The following PDE11A variants were observed in gnomAD, a reference collection of about 807,000 sequenced individuals.
PDE11A encodes the protein dual 3',5'-cyclic-AMP and -GMP phosphodiesterase 11A.
A neutral mutation model predicts 100.5 loss-of-function variants in PDE11A; 100 were observed. That is an observed-to-expected ratio of 1.00 (90% confidence interval 0.85 to 1.18). The LOEUF (loss-of-function observed/expected upper bound fraction) is 1.18. Among genes scored for constraint, PDE11A ranks in the 50% most tolerant of loss-of-function variants. The probability of loss-of-function intolerance (pLI) is 0.00; values close to 1 mark genes in which losing one functional copy is unlikely to be tolerated. For synonymous variants in PDE11A, 381 were observed against 420.8 expected, an observed-to-expected ratio of 0.91 and a Z score of 1.16; for missense variants, 1,141 against 1,152.6, an observed-to-expected ratio of 0.99 and a Z score of 0.15.
intron 9 of PDE11A, among the ~76,000 whole-genome samples, chr2:177,802,839 A>G (rs896816175): frequency 6.6e-6 from 1 of 152,052 alleles, no homozygotes; most frequent in Admixed American, 6.6e-5. Context: ...TACCAAAACA[A>G]AAAGATTATG....
intron 2 of PDE11A, among the ~76,000 whole-genome samples, chr2:177,927,996 C>T (rs1185129247): frequency 1.3e-5 from 2 of 148,506 alleles, no homozygotes; most frequent in Non-Finnish European, 1.5e-5. Context: ...CCCAGCTACT[C>T]GGGAGGCTGA....
chr2:177,731,544 C>T lies in PDE11A; in HGVS notation c.1789-3372G>A, dbSNP rs1574087647. On this transcript the variant is annotated intron_variant, in intron 10 of 19. Coordinates refer to ENST00000286063, the MANE Select transcript of PDE11A (RefSeq NM_016953.4). ...AGTCCTCCTGCTTTCACCCTGCACGCCCACCCTCACCCTCTGCACTGACGA... is the reference window on the plus strand; with the variant it reads ...AGTCCTCCTGCTTTCACCCTGCACGTCCACCCTCACCCTCTGCACTGACGA... Among the ~76,000 whole-genome samples the T allele has an allele frequency of 2.0e-5, 3 of 152,256 alleles. No homozygotes were observed. In the East Asian group the frequency reaches 5.8e-4, roughly 29 times the overall value.
chr2:178,014,452 T>A lies in PDE11A; in HGVS notation c.921A>T (p.Arg307=). The change falls in exon 2 of 20, where the codon CGA becomes CGT. Residue 307 remains arginine (R), a synonymous_variant. Coordinates refer to ENST00000286063, the MANE Select transcript of PDE11A (RefSeq NM_016953.4). ...VNIPDAYQDR[R]FNDEIDKLTG... Reference sequence around the variant, plus strand: ...TTAGCTTGTCGATTTCATCATTGAATCGTCGATCCTAAAAATAAGACAAAG... The same window carrying A: ...TTAGCTTGTCGATTTCATCATTGAAACGTCGATCCTAAAAATAAGACAAAG... The A allele has an allele frequency of 6.2e-7, 1 of 1,612,734 alleles. No homozygotes were observed. Among genetic ancestry groups the A allele is most frequent in the Non-Finnish European group, 8.5e-7 (1 of 1,178,908 alleles).
At chr2:177,761,652 T>C (rs1212307635) in intron 10 of PDE11A, among the ~76,000 whole-genome samples, 1 of 152,200 alleles carries the variant, frequency 6.6e-6, no homozygotes, top group Non-Finnish European at 1.5e-5. Context: ...ACAGCAGGAA[T>C]GACTTCATGG....
intron 17 of PDE11A, among the ~76,000 whole-genome samples, chr2:177,671,018 C>T (rs1289776737): frequency 6.6e-6 from 1 of 152,186 alleles, no homozygotes; most frequent in African/African-American, 2.4e-5. Context: ...CACCAGGCTT[C>T]TCTCTTCTTT....
At chr2:178,068,212 T>C (rs1229193077) in intron 1 of PDE11A, among the ~76,000 whole-genome samples, 1 of 152,072 alleles carries the variant, frequency 6.6e-6, no homozygotes, top group Non-Finnish European at 1.5e-5. Context: ...TGATCTGGAC[T>C]GGATACCTAA....
chr2:178,010,889 T>C (rs2086267035), intron 2 of PDE11A, among the ~76,000 whole-genome samples: 1 of 152,242 alleles, frequency 6.6e-6, no homozygotes. Flanking sequence ...CATGAACTTA[T>C]AAAGAAATAT....
chr2:177,870,364 C>G (rs891997529), intron 5 of PDE11A, among the ~76,000 whole-genome samples: 1 of 152,184 alleles, frequency 6.6e-6, no homozygotes, highest in Admixed American at 6.5e-5. Context: ...CACATATTAA[C>G]CAGCATTTAA....
chr2:178,067,141 A>G (rs1424288211), intron 1 of PDE11A, among the ~76,000 whole-genome samples: 2 of 151,978 alleles, frequency 1.3e-5, no homozygotes, highest in Admixed American at 1.3e-4. Context: ...CCTTCTGCCC[A>G]TTCCCACTGT....
intron 5 of PDE11A, among the ~76,000 whole-genome samples, chr2:177,853,635 CATATATATATATAT>C (rs371434526): frequency 0.025 from 895 of 36,196 alleles, 21 homozygotes; most frequent in African/African-American, 0.041. Context: ...ACAAGTCCTG[CATATATATATATAT>C]ATATATATAT....
chr2:177,925,486 A>G (rs2085113914), intron 2 of PDE11A, among the ~76,000 whole-genome samples: 1 of 152,044 alleles, frequency 6.6e-6, no homozygotes, highest in Non-Finnish European at 1.5e-5. Flanking sequence ...GCCAGTGATG[A>G]TGAGCATTTT....
intron 2 of PDE11A, among the ~76,000 whole-genome samples, chr2:177,909,910 T>G (rs953447811): frequency 6.6e-6 from 1 of 152,206 alleles, no homozygotes. Context: ...CCTTATCAAG[T>G]GCAACTGATG....
Position 177,752,818 on chromosome 2 carries a change from C to T in PDE11A, c.1788+16505G>A, listed in dbSNP as rs150552454. Among the ~76,000 whole-genome samples, 329 of 152,312 alleles carry T rather than the reference C, an allele frequency of 2.2e-3. 1 individual carries two copies. Among genetic ancestry groups the T allele is most frequent in the Middle Eastern group, 0.01 (3 of 294 alleles). Reference sequence around the variant, plus strand: ...TCATTATTTATACCCATTAGAGGTTCACAGGAATGATATTCACTCACTAAT... The same window carrying T: ...TCATTATTTATACCCATTAGAGGTTTACAGGAATGATATTCACTCACTAAT... On this transcript the variant is annotated intron_variant, in intron 10 of 19. Transcript: ENST00000286063.
intron 10 of PDE11A, among the ~76,000 whole-genome samples, chr2:177,747,663 A>G (rs1351036167): frequency 6.6e-6 from 1 of 152,208 alleles, no homozygotes; most frequent in Non-Finnish European, 1.5e-5. Flanking sequence ...CCAGGATCCA[A>G]TGCTGAAGTT....
At chr2:177,643,823 C>G (rs2105450487) in intron 19 of PDE11A, among the ~76,000 whole-genome samples, 1 of 152,290 alleles carries the variant, frequency 6.6e-6, no homozygotes, top group South Asian at 2.1e-4. Flanking sequence ...GGACTTGGTG[C>G]CCTGCATCCC....
chr2:177,940,010 CCTT>C (rs1286337155), intron 2 of PDE11A, among the ~76,000 whole-genome samples: 1 of 151,872 alleles, frequency 6.6e-6, no homozygotes, highest in Non-Finnish European at 1.5e-5. Context: ...AAGAGTGAAT[CCTT>C]CTGTTTTAGA....
intron 16 of PDE11A, among the ~76,000 whole-genome samples, chr2:177,676,657 CCT>C (rs2080780208): frequency 6.6e-6 from 1 of 152,220 alleles, no homozygotes; most frequent in Non-Finnish European, 1.5e-5. Context: ...ATTGATGAAA[CCT>C]CTAATTCCAA....
At chr2:177,709,456 A>G (rs1256635154) in intron 13 of PDE11A, among the ~76,000 whole-genome samples, 1 of 152,094 alleles carries the variant, frequency 6.6e-6, no homozygotes, top group Admixed American at 6.5e-5. Context: ...TGGGGTAGAG[A>G]ATACAAGAAA....
In PDE11A at chr2:177,894,624, T is replaced by G. The variant is rs766334229; in HGVS notation, c.1302+3434A>C. 2.6e-4 allele frequency among the ~76,000 whole-genome samples: 40 copies of G among 152,124 alleles called. 1 individual carries two copies. The highest frequency in any genetic ancestry group is 8.8e-5 in the Non-Finnish European group (6 of 68,034). On this transcript the variant is annotated intron_variant, in intron 4 of 19. Coordinates refer to ENST00000286063, the MANE Select transcript of PDE11A (RefSeq NM_016953.4). ...ATACACAGCTGAGCAGCATTAATGT[T>G]CAAATAGAGATCATAAGACTCACGA...
Sources: gnomAD v4.1 joint callset for allele counts (sites outside exome capture counted in the v4.1 genomes callset) on GRCh38, gnomAD v4.1.1 for gene constraint, MANE v1.5 for transcripts, NCBI Gene and HGNC (gene_info 2026-07-23, HGNC 2026-07-21) for gene names.